BRINP1: variants seen among roughly 807,000 people sequenced by gnomAD.
BRINP1 encodes the protein BMP/retinoic acid inducible neural specific 1, also known as BMP/retinoic acid-inducible neural-specific protein 1.
BRINP1 carries 17 observed loss-of-function variants against 72.9 expected under a neutral mutation model. The ratio of observed to expected loss-of-function variants is 0.23; its 90% CI spans 0.16 to 0.35. The LOEUF is 0.35. Among genes scored for constraint, BRINP1 ranks in the 10% least tolerant of loss-of-function variants. The pLI is 1.00. For missense variants in BRINP1, 850 were observed against 1,001.6 expected (o/e 0.85, Z 2.04); for synonymous variants, 418 against 378.5 (o/e 1.10, Z -1.21).
At chr9:119,197,776 T>C (rs1473429260) in intron 7 of BRINP1, among the ~76,000 whole-genome samples, 1 of 152,220 alleles carries the variant, frequency 6.6e-6, no homozygotes, top group Non-Finnish European at 1.5e-5. Context: ...CCCAAACCTG[T>C]TTATGCCCGT....
chr9:119,168,842 GAGA>G (rs1301510572), intron 7 of BRINP1, among the ~76,000 whole-genome samples: 2 of 152,166 alleles, frequency 1.3e-5, no homozygotes, highest in Non-Finnish European at 2.9e-5. Context: ...ACAGATGATG[GAGA>G]AGGTGTGGAG....
At chr9:119,349,280 T>C (rs1368760169) in intron 1 of BRINP1, among the ~76,000 whole-genome samples, 2 of 152,194 alleles carry the variant, frequency 1.3e-5, no homozygotes, top group Non-Finnish European at 1.5e-5. Flanking sequence ...GGGAACACAA[T>C]TGCACTGGCT....
chr9:119,200,153 C>T (rs1050652973), intron 7 of BRINP1, among the ~76,000 whole-genome samples: 5 of 152,178 alleles, frequency 3.3e-5, no homozygotes, highest in African/African-American at 1.2e-4. Context: ...GTGGCATATT[C>T]GGAGAAGCAA....
rs1831089821 is a variant in BRINP1, at chr9:119,313,411, G to A, written c.-50-6C>T. Reference sequence around the variant, plus strand: ...TTGCTCCATTCTGTGGAGTCCTATAGAAGAAAGAATAAAAAAGAGAGAGAA... The same window carrying A: ...TTGCTCCATTCTGTGGAGTCCTATAAAAGAAAGAATAAAAAAGAGAGAGAA... On this transcript the variant is annotated splice_region_variant and splice_polypyrimidine_tract_variant and intron_variant, in intron 1 of 7. Transcript: ENST00000265922. 3.2e-6 allele frequency: 5 copies of A among 1,538,710 alleles called. No homozygotes were observed. The highest frequency in any genetic ancestry group is 1.4e-5 in the African/African-American group (1 of 71,382).
rs540545974 is a variant in BRINP1 at position 119,208,792 on chromosome 9, G to A, written c.1072C>T (p.Arg358Cys). The A allele has an allele frequency of 1.1e-4, 183 of 1,614,190 alleles. No individual in the cohort carries two copies. In the South Asian group the frequency reaches 1.5e-3, roughly 13 times the overall value. The change falls in exon 7 of 8, where the codon CGC becomes TGC. Residue 358 changes from arginine to cysteine, a missense_variant. Transcript: ENST00000265922. ...AGGCCGAAAAGCTTGCGGGCAGTGC[G>A]TTGGATCTTTTGTCTCTGTGCCTCC... is the stretch of plus-strand genomic sequence containing the variant. The part of the protein sequence containing the change: ...ATEAQRQKIQ[R>C]TARKLFGLSV...
At position 119,211,228 on chromosome 9, in the gene BRINP1, A is replaced by T. The variant is rs369420299; in HGVS notation, c.923-2287T>A. Among the ~76,000 whole-genome samples the T allele has an allele frequency of 3.2e-4, 49 of 151,212 alleles. 1 individual carries two copies. Among genetic ancestry groups the T allele is most frequent in the African/African-American group, 1.1e-3 (45 of 41,142 alleles). On this transcript the variant is annotated intron_variant, in intron 6 of 7. Coordinates refer to ENST00000265922, the MANE Select transcript of BRINP1 (RefSeq NM_014618.3). ...TATTTATTTTTTGAGACACAGTTCCACTCTTATTGCCCAGGCTGGAGTGAA... is the reference window on the plus strand; with the variant it reads ...TATTTATTTTTTGAGACACAGTTCCTCTCTTATTGCCCAGGCTGGAGTGAA...
intron 1 of BRINP1, among the ~76,000 whole-genome samples, chr9:119,351,408 C>T (rs72761781): frequency 5.2e-4 from 78 of 151,270 alleles, no homozygotes; most frequent in African/African-American, 1.8e-3. Context: ...ACGTGGAAGG[C>T]GAAGCAAACA....
chr9:119,175,119 T>TATA, intron 7 of BRINP1, among the ~76,000 whole-genome samples: 1 of 62,676 alleles, frequency 1.6e-5, no homozygotes, highest in African/African-American at 4.8e-5. Context: ...AAGTAAAGTA[T>TATA]AAAAAAAAAA....
chr9:119,172,802 C>T (rs1290060762), intron 7 of BRINP1, among the ~76,000 whole-genome samples: 1 of 151,996 alleles, frequency 6.6e-6, no homozygotes, highest in Admixed American at 6.6e-5. Flanking sequence ...TGGGCTTCAT[C>T]CCTCAGATGC....
intron 1 of BRINP1, among the ~76,000 whole-genome samples, chr9:119,327,420 G>A (rs575959882): frequency 9.2e-5 from 14 of 152,296 alleles, no homozygotes; most frequent in African/African-American, 3.4e-4. Context: ...GGTAGGTACT[G>A]AATCAATATT....
intron 7 of BRINP1, among the ~76,000 whole-genome samples, chr9:119,192,223 C>T (rs1227742353): frequency 6.6e-6 from 1 of 151,898 alleles, no homozygotes; most frequent in African/African-American, 2.4e-5. Flanking sequence ...ATACCAAAAG[C>T]TCAGGCTACA....
intron 2 of BRINP1, among the ~76,000 whole-genome samples, chr9:119,289,914 G>C (rs565973810): frequency 6.6e-6 from 1 of 152,248 alleles, no homozygotes; most frequent in Non-Finnish European, 1.5e-5. Flanking sequence ...ATTATCTCTT[G>C]ACTGGGCCAG....
At chr9:119,272,372 T>C in intron 2 of BRINP1, among the ~76,000 whole-genome samples, 1 of 152,170 alleles carries the variant, frequency 6.6e-6, no homozygotes, top group East Asian at 1.9e-4. Flanking sequence ...AGTGAGCCAC[T>C]GCGCCCGGCA....
intron 5 of BRINP1, among the ~76,000 whole-genome samples, chr9:119,233,257 G>A (rs922168699): frequency 3.9e-5 from 6 of 151,906 alleles, no homozygotes; most frequent in African/African-American, 1.5e-4. Flanking sequence ...CTGCAGTTCA[G>A]CCACTTATTA....
At chr9:119,262,645 CAAAAAA>C (rs55738449) in intron 2 of BRINP1, among the ~76,000 whole-genome samples, 2 of 62,978 alleles carry the variant, frequency 3.2e-5, no homozygotes, top group East Asian at 5.1e-4. Context: ...GACTCCAACT[CAAAAAA>C]AAAAAAAAAA....
chr9:119,219,646 TGAGAGAGAGAGAGAGAGAGAGAGAGAGA>T (rs57623423), intron 5 of BRINP1, among the ~76,000 whole-genome samples: 7 of 125,824 alleles, frequency 5.6e-5, no homozygotes, highest in Non-Finnish European at 8.4e-5. Context: ...TACTGTTTAC[TGAGAGAGAGAGAGAGAGAGAGAGAGAGA>T]GAGAGAGAGA....
chr9:119,362,034 C>T (rs1286950888), intron 1 of BRINP1, among the ~76,000 whole-genome samples: 2 of 151,772 alleles, frequency 1.3e-5, no homozygotes, highest in Non-Finnish European at 2.9e-5. Flanking sequence ...AACTCCTGAC[C>T]TCATGATCCA....
At chr9:119,199,249 A>G (rs1376977660) in intron 7 of BRINP1, among the ~76,000 whole-genome samples, 1 of 152,188 alleles carries the variant, frequency 6.6e-6, no homozygotes, top group African/African-American at 2.4e-5. Context: ...CCACTGCAGG[A>G]GTCTATGGAG....
At chr9:119,367,221 G>GATATATATATGTATATATATATATAT (rs1831703170) in intron 1 of BRINP1, among the ~76,000 whole-genome samples, 1 of 99,850 alleles carries the variant, frequency 1.0e-5, no homozygotes, top group African/African-American at 3.9e-5. Flanking sequence ...GTGTGTGATT[G>GATATATATATGTATATATATATATAT]ATATATATAT....
Sources: allele counts gnomAD v4.1 joint callset (sites outside exome capture counted in the v4.1 genomes callset), GRCh38; gene constraint gnomAD v4.1.1; transcripts MANE v1.5; gene names NCBI Gene and HGNC (gene_info 2026-07-23, HGNC 2026-07-21).